BNIP2: variants seen among roughly 807,000 people sequenced by gnomAD.
BNIP2 encodes the protein BCL2 interacting protein 2.
Under a neutral mutation model 43.4 loss-of-function variants are expected in BNIP2, and 36 were observed. The ratio of observed to expected loss-of-function variants is 0.83; its 90% CI spans 0.64 to 1.10. The LOEUF (loss-of-function observed/expected upper bound fraction) is 1.10. BNIP2 is among the 50% of genes least tolerant of loss of function. The probability of loss-of-function intolerance (pLI) is 0.00; values close to 1 mark genes in which losing one functional copy is unlikely to be tolerated. For synonymous variants in BNIP2, 146 were observed against 121.0 expected, an observed-to-expected ratio of 1.21 and a Z score of -1.35; for missense variants, 417 against 374.1, an observed-to-expected ratio of 1.11 and a Z score of -0.95.
chr15:59,670,717 T>C (rs1472938252), intron 7 of BNIP2, among the ~76,000 whole-genome samples: 1 of 152,148 alleles, frequency 6.6e-6, no homozygotes, highest in Non-Finnish European at 1.5e-5. Context: ...ATGCTATCTT[T>C]AGAAAACAGA....
intron 9 of BNIP2, among the ~76,000 whole-genome samples, chr15:59,667,853 TAAG>T (rs1381259362): frequency 1.3e-5 from 2 of 152,212 alleles, no homozygotes; most frequent in South Asian, 2.1e-4. Flanking sequence ...GTACTTAGAC[TAAG>T]AAGGAGAGAG....
intron 1 of BNIP2, among the ~76,000 whole-genome samples, chr15:59,688,283 G>T (rs1419314429): frequency 1.3e-5 from 2 of 152,192 alleles, no homozygotes; most frequent in South Asian, 2.1e-4. Context: ...ACAAATTACA[G>T]AATTTGTTTC....
At chr15:59,664,451 A>C (rs1167926158) in intron 9 of BNIP2, among the ~76,000 whole-genome samples, 1 of 151,718 alleles carries the variant, frequency 6.6e-6, no homozygotes, top group Non-Finnish European at 1.5e-5. Context: ...GCACAATCTC[A>C]GCTCGCTGCA....
At position 59,668,880 on chromosome 15, in the gene BNIP2, A is replaced by C; in HGVS notation, c.893+12T>G. On this transcript the variant is annotated intron_variant, in intron 9 of 9. Transcript: ENST00000607373. ...AGATCCAATACAATTAAGGAAATAAAACAAAACATACTGTTTTATGCATTC... is the reference window on the plus strand; with the variant it reads ...AGATCCAATACAATTAAGGAAATAACACAAAACATACTGTTTTATGCATTC... 1 of 1,601,282 alleles carries C rather than the reference A, an allele frequency of 6.2e-7. No homozygotes were observed. Among genetic ancestry groups the C allele is most frequent in the South Asian group, 1.1e-5 (1 of 89,700 alleles).
At chr15:59,665,310 T>A (rs1595685762) in intron 9 of BNIP2, 1 of 149,218 alleles carries the variant, frequency 6.7e-6, no homozygotes, top group Non-Finnish European at 1.5e-5. Flanking sequence ...TTCAAAAATA[T>A]CTAATATAAA....
chr15:59,665,062 G>A (rs575397132), intron 9 of BNIP2, among the ~76,000 whole-genome samples: 5 of 152,026 alleles, frequency 3.3e-5, no homozygotes, highest in Non-Finnish European at 5.9e-5. Flanking sequence ...TCAGGAGTTC[G>A]AGACCAGCCT....
intron 1 of BNIP2, among the ~76,000 whole-genome samples, chr15:59,686,959 G>T (rs1441186143): frequency 6.6e-6 from 1 of 152,238 alleles, no homozygotes; most frequent in Non-Finnish European, 1.5e-5. Context: ...AGAGGTTGCA[G>T]TGAGCCGAGA....
chr15:59,661,451 C>G lies in BNIP2; in HGVS notation c.*2618G>C, dbSNP rs1892268270. On this transcript the variant is annotated 3_prime_UTR_variant, in exon 10 of 10. Coordinates refer to ENST00000607373, the MANE Select transcript of BNIP2 (RefSeq NM_004330.4). ...TTCCTACTTTTATCACTTTCCAATG[C>G]CTCTGCTAGACCCTACTTAGAATCA... 6.6e-6 allele frequency: 1 copy of G among 152,108 alleles called. No individual in the cohort carries two copies. The highest frequency in any genetic ancestry group is 6.6e-5 in the Admixed American group (1 of 15,264). 9.4% of individuals were successfully genotyped at this position (152,108 alleles called of 1,614,324 possible).
At chr15:59,671,422 G>C (rs1892905929) in intron 6 of BNIP2, 108 bp from the exon 7 acceptor site, 4 of 940,990 alleles carry the variant, frequency 4.3e-6, no homozygotes, top group Non-Finnish European at 5.9e-6. Context: ...TACAATGAGA[G>C]CAACAATGAA....
At position 59,669,378 on chromosome 15, in the gene BNIP2, AAAACACACACACAC is replaced by A; in HGVS notation, c.708-30_708-17del. On this transcript the variant is annotated splice_polypyrimidine_tract_variant and intron_variant, in intron 7 of 9. Coordinates refer to ENST00000607373, the MANE Select transcript of BNIP2 (RefSeq NM_004330.4). The stretch of plus-strand genomic sequence containing the variant: ...TTTCCGTAACCTGGAGTTTAAAAAA[AAAACACACACACAC>A]AAAGAAAATTAAAAATTTCTATAAA... 1.4e-6 allele frequency: 2 copies of A among 1,408,310 alleles called. No individual in the cohort carries two copies. Among genetic ancestry groups the A allele is most frequent in the Non-Finnish European group, 1.9e-6 (2 of 1,041,554 alleles). The allele number at this position is 1,408,310 out of a possible 1,614,324, so 87.2% of individuals were successfully genotyped here.
chr15:59,681,514 C>T (rs976422015), intron 2 of BNIP2, among the ~76,000 whole-genome samples: 5 of 150,758 alleles, frequency 3.3e-5, no homozygotes, highest in African/African-American at 1.2e-4. Context: ...AGCAGCGCGA[C>T]CTTGGCTCAC....
chr15:59,682,358 A>C, intron 2 of BNIP2, 50 bp downstream of exon 2: 1 of 1,527,168 alleles, frequency 6.5e-7, no homozygotes, highest in Non-Finnish European at 8.9e-7. Context: ...TCGATAAAGA[A>C]ATTTTGAACT....
At position 59,679,450 on chromosome 15, in the gene BNIP2, T is replaced by G. The variant is rs1259112347; in HGVS notation, c.295+142A>C. 7.1e-6 allele frequency: 7 copies of G among 986,988 alleles called. No individual in the cohort carries two copies. The African/African-American group carries it at 1.0e-4, about 14-fold the overall frequency. 61.1% of individuals were successfully genotyped at this position (986,988 alleles called of 1,614,324 possible). On this transcript the variant is annotated intron_variant, in intron 4 of 9. Transcript: ENST00000607373. The stretch of plus-strand genomic sequence containing the variant: ...CACTGGTGTACTCTATACACACTTT[T>G]TAAGTCCTTGAGAATATTCAAGGGT...
intron 5 of BNIP2, among the ~76,000 whole-genome samples, chr15:59,675,366 T>C (rs1413626101): frequency 6.6e-6 from 1 of 152,000 alleles, no homozygotes; most frequent in African/African-American, 2.4e-5. Context: ...ATCCCAGCAC[T>C]TCAGGAGGCT....
In BNIP2 at chr15:59,679,703, G is replaced by C; in HGVS notation, c.184C>G (p.Leu62Val). 6.2e-7 allele frequency: 1 copy of C among 1,603,968 alleles called. No individual in the cohort carries two copies. Among genetic ancestry groups the C allele is most frequent in the Admixed American group, 1.7e-5 (1 of 57,814 alleles). Residue 62 changes from leucine to valine, a missense_variant, in exon 4 of 10, where the codon CTG (leucine) becomes GTG (valine). By Grantham distance (32) the Leu-to-Val change is conservative. Coordinates refer to ENST00000607373, the MANE Select transcript of BNIP2 (RefSeq NM_004330.4). ...KLMAPDISLT[L>V]DPSDGSVLSD... Reference sequence around the variant, plus strand: ...AATACAGAGCCATCACTAGGATCCAGTGTCAGGCTAATGTCTGGAGCCATT... The same window carrying C: ...AATACAGAGCCATCACTAGGATCCACTGTCAGGCTAATGTCTGGAGCCATT...
rs1277717463 is a variant in BNIP2 at position 59,661,573 on chromosome 15, A to T, written c.*2496T>A. The T allele has an allele frequency of 6.6e-6, 1 of 152,150 alleles. No individual in the cohort carries two copies. The highest frequency in any genetic ancestry group is 1.5e-5 in the Non-Finnish European group (1 of 68,024). 9.4% of individuals were successfully genotyped at this position (152,150 alleles called of 1,614,324 possible). On this transcript the variant is annotated 3_prime_UTR_variant, in exon 10 of 10. Coordinates refer to ENST00000607373, the MANE Select transcript of BNIP2 (RefSeq NM_004330.4). ...TTGGTGCTTGCTTAGGAGTATGATC[A>T]AGCAGAACACAGAATCAAATTATTT... is the stretch of plus-strand genomic sequence containing the variant.
intron 4 of BNIP2, chr15:59,678,767 G>C: frequency 7.7e-7 from 1 of 1,296,644 alleles, no homozygotes; most frequent in Non-Finnish European, 1.0e-6. Context: ...GGGGGAGGGG[G>C]AAACCTACTG....
intron 3 of BNIP2, among the ~76,000 whole-genome samples, chr15:59,679,974 T>C (rs1448704600): frequency 1.3e-5 from 2 of 152,198 alleles, no homozygotes; most frequent in African/African-American, 4.8e-5. Context: ...CAATGTCTTT[T>C]AAATAGAGGC....
chr15:59,670,191 A>T (rs1892811545), intron 7 of BNIP2, among the ~76,000 whole-genome samples: 1 of 152,236 alleles, frequency 6.6e-6, no homozygotes, highest in African/African-American at 2.4e-5. Context: ...GCACTTTGGG[A>T]GGCTGAGGCA....
Sources: gnomAD v4.1 joint callset for allele counts (sites outside exome capture counted in the v4.1 genomes callset) on GRCh38, gnomAD v4.1.1 for gene constraint, MANE v1.5 for transcripts, NCBI Gene and HGNC (gene_info 2026-07-23, HGNC 2026-07-21) for gene names.